Variants in ARAP2 observed in about 807,000 individuals in gnomAD.
ARAP2 encodes the protein arf-GAP with Rho-GAP domain, ANK repeat and PH domain-containing protein 2.
In ARAP2, 148 loss-of-function variants were observed where a neutral mutation model predicts 194.5. That is an observed-to-expected ratio of 0.76 (90% confidence interval 0.67 to 0.87). The LOEUF (loss-of-function observed/expected upper bound fraction) is 0.87, where lower values mean the gene tolerates loss of function less well. ARAP2 is among the 40% of genes least tolerant of loss of function. The pLI is 0.00. For synonymous variants in ARAP2, 695 were observed against 683.5 expected (o/e 1.02, Z -0.26); for missense variants, 2,128 against 1,989.7 (o/e 1.07, Z -1.32).
At position 36,128,752 on chromosome 4, in the gene ARAP2, T is replaced by A; in HGVS notation, c.3428-7A>T. On this transcript the variant is annotated splice_region_variant and splice_polypyrimidine_tract_variant and intron_variant, in intron 20 of 32. Transcript: ENST00000303965. The stretch of plus-strand genomic sequence containing the variant: ...ATATATTTGCATCCTAAACCTTTGT[T>A]TAAAAAAAAAAAGTTATACTTTAAA... 6.9e-7 allele frequency: 1 copy of A among 1,448,038 alleles called. No individual in the cohort carries two copies. Among genetic ancestry groups the A allele is most frequent in the Admixed American group, 2.5e-5 (1 of 40,664 alleles). The allele number at this position is 1,448,038 out of a possible 1,614,324, so 89.7% of individuals were successfully genotyped here.
chr4:36,186,172 T>C (rs974922617), intron 8 of ARAP2, among the ~76,000 whole-genome samples: 3 of 152,166 alleles, frequency 2.0e-5, no homozygotes, highest in African/African-American at 7.2e-5. Flanking sequence ...TAAATAAAAG[T>C]TGTCCATAAA....
intron 25 of ARAP2, among the ~76,000 whole-genome samples, chr4:36,115,306 G>T (rs987291905): frequency 6.6e-6 from 1 of 151,826 alleles, no homozygotes; most frequent in Non-Finnish European, 1.5e-5. Flanking sequence ...AAACTTAAAA[G>T]AAAAAAACTT....
At chr4:36,056,167 A>G (rs955294672) in intron 2 of ARAP2, among the ~76,000 whole-genome samples, 3 of 152,210 alleles carry the variant, frequency 2.0e-5, no homozygotes, top group Non-Finnish European at 4.4e-5. Context: ...AATAATACAA[A>G]TTCTTTTATC....
chr4:36,105,604 T>G (rs545192941), intron 27 of ARAP2, among the ~76,000 whole-genome samples: 4 of 152,090 alleles, frequency 2.6e-5, no homozygotes, highest in African/African-American at 9.6e-5. Flanking sequence ...GTACCAGCTG[T>G]CACTGTACCA....
chr4:36,217,871 T>A (rs976450597), intron 2 of ARAP2, among the ~76,000 whole-genome samples: 1 of 150,886 alleles, frequency 6.6e-6, no homozygotes, highest in African/African-American at 2.4e-5. Flanking sequence ...ATACTAGATA[T>A]ACGATAATAC....
At chr4:36,212,282 C>G (rs1746928083) in intron 5 of ARAP2, 114 bp downstream of exon 5, 1 of 832,924 alleles carries the variant, frequency 1.2e-6, no homozygotes. Flanking sequence ...AAAAATTGAA[C>G]TTATCACCAT....
chr4:36,028,646 A>C (rs1316818327), intron 5 of ARAP2, among the ~76,000 whole-genome samples: 1 of 150,906 alleles, frequency 6.6e-6, no homozygotes, highest in Non-Finnish European at 1.5e-5. Context: ...TGATTTATTA[A>C]TTATGTTTTT....
At chr4:36,145,990 C>T (rs558450669) in intron 19 of ARAP2, among the ~76,000 whole-genome samples, 24 of 152,004 alleles carry the variant, frequency 1.6e-4, no homozygotes, top group Non-Finnish European at 3.2e-4. Context: ...ACCAAAGAGA[C>T]ATCTCCGAGT....
intron 20 of ARAP2, among the ~76,000 whole-genome samples, chr4:36,129,505 G>T (rs569049923): frequency 6.6e-6 from 1 of 151,690 alleles, no homozygotes; most frequent in South Asian, 2.1e-4. Context: ...GATGCTTTTC[G>T]GTTTTTATCT....
rs558591055 is a variant in ARAP2 at position 36,155,252 on chromosome 4, T to G, written c.2752+3478A>C. Among the ~76,000 whole-genome samples the G allele has an allele frequency of 9.8e-5, 15 of 152,296 alleles. No homozygotes were observed. The South Asian group carries it at 1.7e-3, about 17-fold the overall frequency. ...GCTGATGCCTCATTGAGCTTTCACT[T>G]CAGGGGGAAAGAGAAACAAATAAAT... is the stretch of plus-strand genomic sequence containing the variant. On this transcript the variant is annotated intron_variant, in intron 15 of 32. Coordinates refer to ENST00000303965, the MANE Select transcript of ARAP2 (RefSeq NM_015230.4).
In ARAP2 at chr4:36,066,380, T is replaced by C. The variant is rs998200859; in HGVS notation, c.*1527A>G. The C allele has an allele frequency of 1.3e-5, 2 of 152,160 alleles. No individual in the cohort carries two copies. The highest frequency in any genetic ancestry group is 2.9e-5 in the Non-Finnish European group (2 of 68,036). 9.4% of individuals were successfully genotyped at this position (152,160 alleles called of 1,614,324 possible). A position where few individuals can be genotyped will look rare whatever the true frequency, so the allele number is the denominator to read the frequency against. ...CTGCAGTTTTGTGCTTTTTAAAAAT[T>C]CTAATTTACTTTGATTTAAAGAATA... On this transcript the variant is annotated 3_prime_UTR_variant, in exon 33 of 33. Transcript: ENST00000303965.
chr4:36,022,748 A>C (rs1314316649), intron 5 of ARAP2, among the ~76,000 whole-genome samples: 3 of 152,170 alleles, frequency 2.0e-5, no homozygotes, highest in Non-Finnish European at 4.4e-5. Flanking sequence ...TCTTCAGACT[A>C]AAGGGTTCAG....
rs79590564 is a variant in ARAP2, at chr4:36,050,995, A to G, written n.369+1011T>C. Among the ~76,000 whole-genome samples, 467 of 152,352 alleles carry G rather than the reference A, an allele frequency of 3.1e-3. 1 individual carries two copies. Among genetic ancestry groups the G allele is most frequent in the African/African-American group, 0.011 (443 of 41,566 alleles). ...TTTTTAAATTCCTCCTGTAAAAATC[A>G]AAGAAATTTGTCTTCGCTTTTTCCA... On this transcript the variant is annotated intron_variant and non_coding_transcript_variant, in intron 3 of 12. Coordinates refer to the ARAP2 transcript ENST00000503225.
chr4:36,239,867 G>T (rs1475817369), intron 1 of ARAP2, among the ~76,000 whole-genome samples: 1 of 152,118 alleles, frequency 6.6e-6, no homozygotes, highest in Non-Finnish European at 1.5e-5. Flanking sequence ...TACATACCTG[G>T]ACTTTTTTTC....
At position 36,175,465 on chromosome 4, in the gene ARAP2, C is replaced by T. The variant is rs191269975; in HGVS notation, c.1857+2362G>A. On this transcript the variant is annotated intron_variant, in intron 9 of 32. Coordinates refer to ENST00000303965, the MANE Select transcript of ARAP2 (RefSeq NM_015230.4). Reference sequence around the variant, plus strand: ...ACCAGGATGCGAAAATACATGAAAACGGAATGGTATGCCAGGGCCTGAACG... The same window carrying T: ...ACCAGGATGCGAAAATACATGAAAATGGAATGGTATGCCAGGGCCTGAACG... Among the ~76,000 whole-genome samples, 81 of 152,214 alleles carry T rather than the reference C, an allele frequency of 5.3e-4. 1 individual carries two copies. The Middle Eastern group carries it at 0.017, about 32-fold the overall frequency.
At chr4:36,055,876 G>A (rs956134932) in intron 2 of ARAP2, among the ~76,000 whole-genome samples, 4 of 152,072 alleles carry the variant, frequency 2.6e-5, no homozygotes, top group Admixed American at 1.3e-4. Flanking sequence ...TTTCAGGTAC[G>A]TTTATAAGGT....
At chr4:36,226,512 C>A (rs891803193) in intron 2 of ARAP2, among the ~76,000 whole-genome samples, 2 of 151,588 alleles carry the variant, frequency 1.3e-5, no homozygotes, top group African/African-American at 2.4e-5. Context: ...CTTTTAAGCC[C>A]CCCCCCACAT....
Position 36,121,136 on chromosome 4 carries a change from A to G in ARAP2, c.3894+43T>C, listed in dbSNP as rs772553714. The G allele has an allele frequency of 3.9e-5, 55 of 1,425,266 alleles. No homozygotes were observed. In the East Asian group the frequency reaches 1.3e-3, roughly 34 times the overall value. 88.3% of individuals were successfully genotyped at this position (1,425,266 alleles called of 1,614,324 possible). On this transcript the variant is annotated intron_variant, in intron 23 of 32. Transcript: ENST00000303965. Reference sequence around the variant, plus strand: ...CATAAATATTTGTTGGCAAACAGTGACATTATAACCATTTTAACAAGGGCA... The same window carrying G: ...CATAAATATTTGTTGGCAAACAGTGGCATTATAACCATTTTAACAAGGGCA...
intron 8 of ARAP2, among the ~76,000 whole-genome samples, chr4:36,182,655 T>C (rs979644128): frequency 6.6e-6 from 1 of 152,180 alleles, no homozygotes; most frequent in Non-Finnish European, 1.5e-5. Context: ...ATTAAAATAA[T>C]CCTGATAGCA....
Sources: gnomAD v4.1 joint callset for allele counts (sites outside exome capture counted in the v4.1 genomes callset) on GRCh38, gnomAD v4.1.1 for gene constraint, MANE v1.5 for transcripts, NCBI Gene and HGNC (gene_info 2026-07-23, HGNC 2026-07-21) for gene names.